Variants in CSMD1 observed in about 807,000 individuals in gnomAD.
CSMD1 encodes the protein CUB and sushi domain-containing protein 1.
In CSMD1, 213 loss-of-function variants were observed where a neutral mutation model predicts 417.5. The ratio of observed to expected loss-of-function variants is 0.51; its 90% CI spans 0.46 to 0.57. The LOEUF is 0.57. Ranked by LOEUF, CSMD1 falls within the 20% of genes least tolerant of loss-of-function variation. CSMD1 has a pLI of 0.00. For missense variants in CSMD1, 6,923 were observed against 4,529.7 expected, an observed-to-expected ratio of 1.53 and a Z score of -15.17; for synonymous variants, 2,862 against 1,736.8, an observed-to-expected ratio of 1.65 and a Z score of -16.11.
intron 3 of CSMD1, among the ~76,000 whole-genome samples, chr8:4,177,842 A>G (rs10091626): frequency 6.6e-6 from 1 of 151,524 alleles, no homozygotes; most frequent in East Asian, 1.9e-4. Flanking sequence ...GAAATGGATA[A>G]ATTCCTCGAC....
intron 5 of CSMD1, among the ~76,000 whole-genome samples, chr8:3,826,680 A>G (rs551280477): frequency 6.6e-6 from 1 of 152,114 alleles, no homozygotes; most frequent in Non-Finnish European, 1.5e-5. Flanking sequence ...TGAGGAACCA[A>G]CTCTGACTTG....
chr8:3,367,523 AC>A (rs1479034778), intron 19 of CSMD1, among the ~76,000 whole-genome samples: 22 of 152,134 alleles, frequency 1.4e-4, no homozygotes, highest in African/African-American at 5.1e-4. Context: ...TTTTTTCTGG[AC>A]TTAGACACAT....
intron 3 of CSMD1, among the ~76,000 whole-genome samples, chr8:4,315,357 G>C (rs924286289): frequency 2.0e-5 from 3 of 152,096 alleles, no homozygotes; most frequent in African/African-American, 7.2e-5. Flanking sequence ...AGCCCCAGGT[G>C]GCAGGTACCA....
chr8:4,861,263 A>G (rs1356599141), intron 1 of CSMD1, among the ~76,000 whole-genome samples: 1 of 152,178 alleles, frequency 6.6e-6, no homozygotes, highest in East Asian at 1.9e-4. Flanking sequence ...ATACATTCAG[A>G]AAGTCACAGC....
chr8:3,090,460 A>G (rs1814866041), intron 48 of CSMD1, among the ~76,000 whole-genome samples: 1 of 152,130 alleles, frequency 6.6e-6, no homozygotes, highest in Non-Finnish European at 1.5e-5. Context: ...GAGGAAGAAT[A>G]TCTGAATTTC....
At chr8:4,087,487 G>C (rs777322727) in intron 3 of CSMD1, among the ~76,000 whole-genome samples, 6 of 152,144 alleles carry the variant, frequency 3.9e-5, no homozygotes, top group Non-Finnish European at 8.8e-5. Context: ...CAAACCACCT[G>C]TAATGAAACC....
intron 52 of CSMD1, among the ~76,000 whole-genome samples, chr8:3,009,940 T>C (rs930504002): frequency 5.3e-5 from 8 of 152,248 alleles, no homozygotes; most frequent in Non-Finnish European, 1.2e-4. Context: ...TCATTTGGAC[T>C]GTCTTTGGGG....
chr8:4,492,546 C>T (rs1037315383), intron 2 of CSMD1, among the ~76,000 whole-genome samples: 1 of 152,072 alleles, frequency 6.6e-6, no homozygotes, highest in Admixed American at 6.5e-5. Flanking sequence ...ATGATTTGCT[C>T]TAGTTTTTAG....
chr8:4,036,962 T>G (rs1345710087), intron 3 of CSMD1, among the ~76,000 whole-genome samples: 18 of 32,142 alleles, frequency 5.6e-4, no homozygotes, highest in African/African-American at 4.1e-3. Context: ...GTGGGGTGTG[T>G]GTGTGTGTGT....
At chr8:4,460,638 G>C (rs1799756411) in intron 2 of CSMD1, among the ~76,000 whole-genome samples, 1 of 152,068 alleles carries the variant, frequency 6.6e-6, no homozygotes, top group Non-Finnish European at 1.5e-5. Context: ...TATTACTATG[G>C]ACCTTACAGA....
chr8:4,949,955 T>C (rs1316244664), intron 1 of CSMD1, among the ~76,000 whole-genome samples: 1 of 152,128 alleles, frequency 6.6e-6, no homozygotes, highest in Non-Finnish European at 1.5e-5. Context: ...TGCAAGAATA[T>C]TTTAAACAGT....
chr8:3,048,447 G>T (rs985843516), intron 50 of CSMD1, among the ~76,000 whole-genome samples: 1 of 152,104 alleles, frequency 6.6e-6, no homozygotes, highest in Non-Finnish European at 1.5e-5. Flanking sequence ...TCTAGTCAAT[G>T]AACTTCGAGC....
intron 7 of CSMD1, among the ~76,000 whole-genome samples, chr8:3,690,435 T>C (rs1800178363): frequency 1.3e-5 from 2 of 152,236 alleles, no homozygotes; most frequent in Admixed American, 1.3e-4. Flanking sequence ...TTCTTCTGTA[T>C]GTGGGTAAAC....
At chr8:3,953,553 G>A (rs1811726473) in intron 5 of CSMD1, among the ~76,000 whole-genome samples, 1 of 152,194 alleles carries the variant, frequency 6.6e-6, no homozygotes, top group Admixed American at 6.5e-5. Context: ...TACAGCTTCA[G>A]GACTTCCCTG....
At chr8:4,014,937 T>C (rs963840059) in intron 4 of CSMD1, among the ~76,000 whole-genome samples, 4 of 152,208 alleles carry the variant, frequency 2.6e-5, no homozygotes. Flanking sequence ...TACAAGATTG[T>C]ATGGGATGAG....
intron 11 of CSMD1, among the ~76,000 whole-genome samples, chr8:3,476,781 G>T (rs994910419): frequency 2.0e-5 from 3 of 152,012 alleles, no homozygotes; most frequent in Non-Finnish European, 4.4e-5. Flanking sequence ...AGCCAGGCTT[G>T]GTGGCAGACA....
chr8:4,029,744 A>C (rs767570440), intron 4 of CSMD1, among the ~76,000 whole-genome samples: 1 of 152,086 alleles, frequency 6.6e-6, no homozygotes. Flanking sequence ...TTCAGCATTA[A>C]CTCGAAATTC....
chr8:2,987,377 T>A (rs1377760756), intron 54 of CSMD1, among the ~76,000 whole-genome samples: 2 of 148,896 alleles, frequency 1.3e-5, no homozygotes, highest in South Asian at 4.2e-4. Flanking sequence ...ATAAGAAATA[T>A]ATAAGTATAT....
intron 50 of CSMD1, among the ~76,000 whole-genome samples, chr8:3,050,739 G>C (rs188791109): frequency 7.9e-5 from 12 of 152,142 alleles, no homozygotes; most frequent in Non-Finnish European, 1.6e-4. Flanking sequence ...AAAAATAAAA[G>C]CTTTTGGGAA....
Sources: gnomAD v4.1 joint callset for allele counts (sites outside exome capture counted in the v4.1 genomes callset) on GRCh38, gnomAD v4.1.1 for gene constraint, MANE v1.5 for transcripts, NCBI Gene and HGNC (gene_info 2026-07-23, HGNC 2026-07-21) for gene names.